The following FBXL5 variants were observed in gnomAD, a reference collection of about 807,000 sequenced individuals.
FBXL5 encodes F-box and leucine rich repeat protein 5, also known as F-box/LRR-repeat protein 5.
Under a neutral mutation model 78.3 loss-of-function variants are expected in FBXL5, and 26 were observed. The ratio of observed to expected loss-of-function variants is 0.33; its 90% CI spans 0.24 to 0.46. The LOEUF (loss-of-function observed/expected upper bound fraction) is 0.46, where lower values mean the gene tolerates loss of function less well. Among genes scored for constraint, FBXL5 ranks in the 20% least tolerant of loss-of-function variants. FBXL5 has a pLI of 1.00. For synonymous variants in FBXL5, 295 were observed against 282.5 expected (o/e 1.04, Z -0.45); for missense variants, 710 against 829.2 (o/e 0.86, Z 1.77).
intron 6 of FBXL5, among the ~76,000 whole-genome samples, chr4:15,630,052 ATACTT>A (rs1199665364): frequency 6.6e-6 from 1 of 152,152 alleles, no homozygotes; most frequent in Non-Finnish European, 1.5e-5. Context: ...TTTCCATCAT[ATACTT>A]TAAATTAAAA....
chr4:15,649,578 C>CAAAAA (rs34238482), intron 1 of FBXL5, among the ~76,000 whole-genome samples: 3 of 81,338 alleles, frequency 3.7e-5, no homozygotes, highest in East Asian at 4.7e-4. Context: ...GACTACGTCT[C>CAAAAA]AAAAAAAAAA....
intron 1 of FBXL5, among the ~76,000 whole-genome samples, chr4:15,646,040 T>C (rs1413602086): frequency 1.3e-5 from 2 of 152,188 alleles, no homozygotes; most frequent in Admixed American, 1.3e-4. Context: ...AAGTAAATAA[T>C]CTAGAGCAAG....
At chr4:15,668,335 GAA>G (rs1306379407) in intron 1 of FBXL5, among the ~76,000 whole-genome samples, 3 of 151,634 alleles carry the variant, frequency 2.0e-5, no homozygotes, top group African/African-American at 7.3e-5. Context: ...AAATAATCAA[GAA>G]TGATGAAGTA....
At chr4:15,612,042 G>A (rs1722304933) in intron 10 of FBXL5, 1 of 390,848 alleles carries the variant, frequency 2.6e-6, no homozygotes. Flanking sequence ...TCAAAAATCT[G>A]ACACAATGGA....
At chr4:15,620,624 G>C (rs1464452064) in intron 9 of FBXL5, among the ~76,000 whole-genome samples, 1 of 152,216 alleles carries the variant, frequency 6.6e-6, no homozygotes, top group East Asian at 1.9e-4. Context: ...AAAAATAAAA[G>C]GTCTATTGTT....
chr4:15,652,666 T>TAA (rs1266137913), intron 1 of FBXL5, among the ~76,000 whole-genome samples: 1 of 152,196 alleles, frequency 6.6e-6, no homozygotes, highest in Admixed American at 6.5e-5. Context: ...TACATTATAC[T>TAA]AACTGGCTTA....
upstream of FBXL5, among the ~76,000 whole-genome samples, chr4:15,663,646 G>T (rs149182716): frequency 3.6e-4 from 55 of 152,264 alleles, no homozygotes; most frequent in African/African-American, 1.3e-3. Context: ...CTGTGGTGGA[G>T]ATTAAATGAG....
intron 9 of FBXL5, among the ~76,000 whole-genome samples, chr4:15,618,930 G>GA (rs368393263): frequency 0.75 from 114,682 of 151,978 alleles, 43,548 homozygotes; most frequent in East Asian, 0.91. Flanking sequence ...AGCACTTTGG[G>GA]AGTGCTTGAG....
chr4:15,612,720 T>C (rs1414990325), intron 9 of FBXL5, among the ~76,000 whole-genome samples: 2 of 152,134 alleles, frequency 1.3e-5, no homozygotes, highest in Admixed American at 1.3e-4. Context: ...TTCATTCTCC[T>C]ACCCAACTGT....
Position 15,625,765 on chromosome 4 carries a change from C to T in FBXL5, c.1337G>A (p.Cys446Tyr), listed in dbSNP as rs1553849737. The T allele has an allele frequency of 1.2e-6, 2 of 1,614,112 alleles. No individual in the cohort carries two copies. Among genetic ancestry groups the T allele is most frequent in the East Asian group, 4.5e-5 (2 of 44,876 alleles). The change falls in exon 9 of 11, where the codon TGT becomes TAT. Residue 446 changes from cysteine (C) to tyrosine (Y), a missense_variant. Transcript: ENST00000341285. ...ITMQSTKQYA[C>Y]LHDLTNKGIG... ...GCCCTTGTTAGTTAAATCGTGCAAACAGGCATACTGCTTGGTGGACTGCAT... is the reference window on the plus strand; with the variant it reads ...GCCCTTGTTAGTTAAATCGTGCAAATAGGCATACTGCTTGGTGGACTGCAT...
chr4:15,609,002 G>A (rs568756674), intron 10 of FBXL5, among the ~76,000 whole-genome samples: 32 of 152,242 alleles, frequency 2.1e-4, no homozygotes, highest in African/African-American at 7.0e-4. Context: ...AACACAGAAG[G>A]ACTGTTCAGA....
At chr4:15,637,017 A>G (rs961016068) in intron 4 of FBXL5, among the ~76,000 whole-genome samples, 1 of 152,240 alleles carries the variant, frequency 6.6e-6, no homozygotes, top group South Asian at 2.1e-4. Context: ...AACAGGTTAT[A>G]CAGCTTTAAA....
At chr4:15,658,940 A>T (rs1209186832), upstream of FBXL5, among the ~76,000 whole-genome samples, 1 of 152,234 alleles carries the variant, frequency 6.6e-6, no homozygotes, top group Non-Finnish European at 1.5e-5. Flanking sequence ...GGAGCTTGAG[A>T]TATAAAGTTG....
chr4:15,654,238 T>A (rs1365207658), intron 1 of FBXL5, among the ~76,000 whole-genome samples: 2 of 152,242 alleles, frequency 1.3e-5, no homozygotes, highest in Admixed American at 6.5e-5. Context: ...ACAGTAGTCA[T>A]TTGAATGCTT....
intron 1 of FBXL5, among the ~76,000 whole-genome samples, chr4:15,671,217 C>A (rs1024228736): frequency 5.9e-5 from 9 of 151,970 alleles, no homozygotes; most frequent in African/African-American, 1.9e-4. Context: ...AGTCACTGCA[C>A]CTGGCCTGGG....
In FBXL5 at chr4:15,625,821, A is replaced by C; in HGVS notation, c.1281T>G (p.Thr427=). 1.2e-6 allele frequency: 2 copies of C among 1,614,134 alleles called. No homozygotes were observed. The highest frequency in any genetic ancestry group is 1.7e-6 in the Non-Finnish European group (2 of 1,180,020). The change falls in exon 9 of 11, where the codon ACT becomes ACG. Residue 427 remains threonine, a synonymous_variant. Coordinates refer to ENST00000341285, the MANE Select transcript of FBXL5 (RefSeq NM_012161.4). ...GFLKTSTSKI[T]STAWKNKDIT... is the part of the protein sequence containing the mutation. ...TGTCTTTATTTTTCCACGCAGTTGAAGTAATTTTGCTTGTAGATGTTTTCA... is the reference window on the plus strand; with the variant it reads ...TGTCTTTATTTTTCCACGCAGTTGACGTAATTTTGCTTGTAGATGTTTTCA...
intron 1 of FBXL5, among the ~76,000 whole-genome samples, chr4:15,674,795 G>T (rs1320991985): frequency 2.6e-5 from 4 of 151,806 alleles, no homozygotes; most frequent in African/African-American, 7.3e-5. Context: ...GACTACAGGC[G>T]CATGCCACCA....
intron 5 of FBXL5, among the ~76,000 whole-genome samples, chr4:15,632,678 G>A (rs1226367391): frequency 1.3e-5 from 2 of 152,138 alleles, no homozygotes; most frequent in East Asian, 1.9e-4. Flanking sequence ...TGTAGCAATT[G>A]TGAATGGGAG....
At chr4:15,631,504 C>T (rs1406015708) in intron 5 of FBXL5, among the ~76,000 whole-genome samples, 1 of 152,210 alleles carries the variant, frequency 6.6e-6, no homozygotes, top group Non-Finnish European at 1.5e-5. Flanking sequence ...CTGTCTTCCA[C>T]AATGGCTGAA....
Sources: gnomAD v4.1 joint callset for allele counts (sites outside exome capture counted in the v4.1 genomes callset) on GRCh38, gnomAD v4.1.1 for gene constraint, MANE v1.5 for transcripts, NCBI Gene and HGNC (gene_info 2026-07-23, HGNC 2026-07-21) for gene names.